Variants in FMN1 observed in about 807,000 individuals in gnomAD.
FMN1 encodes formin 1.
In FMN1, 110 loss-of-function variants were observed where a neutral mutation model predicts 132.4. That is an observed-to-expected ratio of 0.83 (90% CI 0.71 to 0.97). FMN1 has a LOEUF of 0.97. FMN1 is among the 50% of genes least tolerant of loss of function. FMN1 has a pLI of 0.00. For synonymous variants in FMN1, 722 were observed against 651.7 expected (o/e 1.11, Z -1.64); for missense variants, 1,792 against 1,705.3 (o/e 1.05, Z -0.90).
chr15:33,042,130 T>A (rs540714081), intron 6 of FMN1, among the ~76,000 whole-genome samples: 3 of 152,182 alleles, frequency 2.0e-5, no homozygotes, highest in African/African-American at 7.2e-5. Context: ...CTTTGGTATA[T>A]AAATAAAACC....
At chr15:32,989,901 G>T (rs2033330728) in intron 7 of FMN1, among the ~76,000 whole-genome samples, 1 of 152,132 alleles carries the variant, frequency 6.6e-6, no homozygotes, top group Admixed American at 6.6e-5. Flanking sequence ...GGAGAACCAT[G>T]ACACCGTACA....
At chr15:32,855,806 A>G (rs1210423703) in intron 17 of FMN1, among the ~76,000 whole-genome samples, 1 of 152,220 alleles carries the variant, frequency 6.6e-6, no homozygotes, top group East Asian at 1.9e-4. Context: ...CAGGCTACTT[A>G]GGTTATATTT....
At chr15:33,027,327 A>G (rs1449061342) in intron 6 of FMN1, among the ~76,000 whole-genome samples, 1 of 152,184 alleles carries the variant, frequency 6.6e-6, no homozygotes, top group Admixed American at 6.5e-5. Flanking sequence ...ATAATAACAG[A>G]TAATTTTTTA....
At chr15:33,100,393 T>C (rs559858390) in intron 4 of FMN1, among the ~76,000 whole-genome samples, 62 of 152,210 alleles carry the variant, frequency 4.1e-4, no homozygotes, top group African/African-American at 1.5e-3. Context: ...AGTAAATTGG[T>C]CTACAACTTT....
chr15:32,943,529 T>TA (rs2061441703), intron 9 of FMN1, among the ~76,000 whole-genome samples: 1 of 152,160 alleles, frequency 6.6e-6, no homozygotes, highest in Non-Finnish European at 1.5e-5. Flanking sequence ...GGCTTCCAAA[T>TA]AGATAAAGGT....
chr15:32,997,593 C>T (rs1422094250), intron 7 of FMN1, among the ~76,000 whole-genome samples: 1 of 152,154 alleles, frequency 6.6e-6, no homozygotes, highest in Non-Finnish European at 1.5e-5. Context: ...AGCATGGTAC[C>T]TGGCACAGAG....
chr15:32,916,373 G>C (rs996403431), intron 10 of FMN1, among the ~76,000 whole-genome samples: 2 of 152,194 alleles, frequency 1.3e-5, no homozygotes, highest in Non-Finnish European at 2.9e-5. Context: ...GCTGTTCGAA[G>C]GGCTTCTAAT....
intron 16 of FMN1, 38 bp downstream of exon 16, chr15:32,888,134 C>T (rs1408659646): frequency 6.5e-7 from 1 of 1,543,010 alleles, no homozygotes; most frequent in African/African-American, 1.4e-5. Context: ...TAAAAGTAAT[C>T]TTAGCTATTA....
chr15:32,825,568 A>G lies in FMN1; in HGVS notation c.3929-21236T>C, dbSNP rs192284023. Among the ~76,000 whole-genome samples the G allele has an allele frequency of 7.3e-4, 111 of 152,088 alleles. 1 individual carries two copies. Among genetic ancestry groups the G allele is most frequent in the African/African-American group, 2.6e-3 (108 of 41,484 alleles). On this transcript the variant is annotated intron_variant, in intron 17 of 20. Coordinates refer to ENST00000616417, the MANE Select transcript of FMN1 (RefSeq NM_001277313.2). The stretch of plus-strand genomic sequence containing the variant: ...ACCAGCCCTCTTCAGCCAAACCTAA[A>G]CTTTCCACAATTTGTAATTATACAA...
intron 4 of FMN1, among the ~76,000 whole-genome samples, chr15:33,108,539 C>T (rs1051632909): frequency 6.6e-6 from 1 of 151,744 alleles, no homozygotes; most frequent in African/African-American, 2.4e-5. Flanking sequence ...CAACAAGAGG[C>T]CTGGAGAAAC....
At chr15:32,824,729 G>C (rs1017270006) in intron 17 of FMN1, among the ~76,000 whole-genome samples, 1 of 152,188 alleles carries the variant, frequency 6.6e-6, no homozygotes, top group Non-Finnish European at 1.5e-5. Context: ...GAGTAGCTGG[G>C]ACTACAGGTG....
intron 9 of FMN1, among the ~76,000 whole-genome samples, chr15:32,946,782 C>T (rs1002513768): frequency 2.0e-5 from 3 of 152,054 alleles, no homozygotes; most frequent in South Asian, 2.1e-4. Context: ...AGGCATCCTG[C>T]GTTGGTGGAG....
chr15:32,927,260 A>G (rs894618252), intron 9 of FMN1, among the ~76,000 whole-genome samples: 2 of 152,148 alleles, frequency 1.3e-5, no homozygotes, highest in East Asian at 3.9e-4. Flanking sequence ...GTTTTAAATT[A>G]ATCAATTAAT....
chr15:32,819,836 T>C (rs1003517224), intron 17 of FMN1, among the ~76,000 whole-genome samples: 7 of 152,188 alleles, frequency 4.6e-5, no homozygotes, highest in African/African-American at 1.7e-4. Context: ...CTGTTATTAT[T>C]GGCAATTATT....
At chr15:33,189,555 A>C (rs1966002454) in intron 2 of FMN1, among the ~76,000 whole-genome samples, 1 of 152,226 alleles carries the variant, frequency 6.6e-6, no homozygotes, top group East Asian at 1.9e-4. Context: ...AGTTTAAAAC[A>C]TGATAAAGCC....
At chr15:32,890,983 G>A (rs1441160118) in intron 15 of FMN1, among the ~76,000 whole-genome samples, 1 of 152,068 alleles carries the variant, frequency 6.6e-6, no homozygotes, top group African/African-American at 2.4e-5. Flanking sequence ...AGCACCATTT[G>A]TTGAAAAGGG....
rs1225333568 is a variant in FMN1, at chr15:33,010,989, C to G, written c.2162-2914G>C. Among the ~76,000 whole-genome samples, 4 of 108,212 alleles carry G rather than the reference C, an allele frequency of 3.7e-5. No individual in the cohort carries two copies. The Admixed American group carries it at 4.5e-4, about 12-fold the overall frequency. 71.0% of individuals were successfully genotyped at this position (108,212 alleles called of 152,430 possible). A position where few individuals can be genotyped will look rare whatever the true frequency, so the allele number is the denominator to read the frequency against. On this transcript the variant is annotated intron_variant, in intron 6 of 20. Coordinates refer to ENST00000616417, the MANE Select transcript of FMN1 (RefSeq NM_001277313.2). Reference sequence around the variant, plus strand: ...CATATTGTAAAGGTGTGAGTCTTCCCAAACTGATTCCTTCAAAATTTGAGT... The same window carrying G: ...CATATTGTAAAGGTGTGAGTCTTCCGAAACTGATTCCTTCAAAATTTGAGT...
chr15:32,992,673 TA>T (rs1402082679), intron 7 of FMN1, among the ~76,000 whole-genome samples: 1 of 152,228 alleles, frequency 6.6e-6, no homozygotes, highest in African/African-American at 2.4e-5. Flanking sequence ...TCTAATATCC[TA>T]ATCATTTTCC....
At chr15:32,908,669 G>C in intron 11 of FMN1, 91 bp from the exon 12 acceptor site, 4 of 767,402 alleles carry the variant, frequency 5.2e-6, no homozygotes, top group South Asian at 5.0e-5. Flanking sequence ...AAGTCTCGAA[G>C]TGTGGTTCCT....
Sources: allele counts gnomAD v4.1 joint callset (sites outside exome capture counted in the v4.1 genomes callset), GRCh38; gene constraint gnomAD v4.1.1; transcripts MANE v1.5; gene names NCBI Gene and HGNC (gene_info 2026-07-23, HGNC 2026-07-21).